SLC39A11: variants seen among roughly 807,000 people sequenced by gnomAD.
SLC39A11 encodes solute carrier family 39 member 11, also known as zinc transporter ZIP11.
Under a neutral mutation model 36.1 loss-of-function variants are expected in SLC39A11, and 33 were observed. The observed-to-expected ratio is 0.91, with a 90% CI of 0.69 to 1.22. The LOEUF (loss-of-function observed/expected upper bound fraction) is 1.22. Ranked by LOEUF, SLC39A11 falls within the 50% of genes most tolerant of loss-of-function variation. SLC39A11 has a pLI of 0.00. For missense variants in SLC39A11, 432 were observed against 430.3 expected (o/e 1.00, Z -0.03); for synonymous variants, 166 against 170.3 (o/e 0.97, Z 0.20).
At chr17:72,919,675 AAAAAAAAAAAG>A (rs1410196065) in intron 5 of SLC39A11, among the ~76,000 whole-genome samples, 2 of 142,708 alleles carry the variant, frequency 1.4e-5, no homozygotes, top group Admixed American at 7.1e-5. Flanking sequence ...CCGTCAAAAA[AAAAAAAAAAAG>A]AAAAAAAGAA....
At chr17:72,704,169 T>C (rs2143126917) in intron 7 of SLC39A11, among the ~76,000 whole-genome samples, 1 of 152,338 alleles carries the variant, frequency 6.6e-6, no homozygotes, top group East Asian at 1.9e-4. Context: ...ATACCTGCTA[T>C]TTGCCCAAAC....
intron 3 of SLC39A11, among the ~76,000 whole-genome samples, chr17:73,049,579 G>A (rs578108646): frequency 2.0e-4 from 30 of 152,306 alleles, no homozygotes; most frequent in Admixed American, 1.9e-3. Flanking sequence ...AAGGAACCAA[G>A]GAAAACTTCG....
chr17:72,965,442 T>C (rs1220011866), intron 4 of SLC39A11, among the ~76,000 whole-genome samples: 4 of 152,214 alleles, frequency 2.6e-5, no homozygotes, highest in Non-Finnish European at 5.9e-5. Context: ...TGAATACCTA[T>C]ACAACCGTTC....
rs577203272 is a variant in SLC39A11, at chr17:72,897,068, A to C, written c.431-47264T>G. Among the ~76,000 whole-genome samples the C allele has an allele frequency of 1.7e-4, 25 of 150,318 alleles. No homozygotes were observed. In the East Asian group the frequency reaches 1.7e-3, roughly 11 times the overall value. On this transcript the variant is annotated intron_variant, in intron 5 of 9. Coordinates refer to ENST00000255559, the MANE Select transcript of SLC39A11 (RefSeq NM_139177.4). ...ACTCTGTCTCAAAAAAAAAAAAAAAAAAACAAACAGAAAAACAGAAAAGTC... is the reference window on the plus strand; with the variant it reads ...ACTCTGTCTCAAAAAAAAAAAAAAACAAACAAACAGAAAAACAGAAAAGTC...
At chr17:73,082,922 A>G (rs1264057247) in intron 3 of SLC39A11, among the ~76,000 whole-genome samples, 1 of 145,828 alleles carries the variant, frequency 6.9e-6, no homozygotes, top group African/African-American at 2.5e-5. Flanking sequence ...AGCCTGCAGC[A>G]GGGGAATTGT....
intron 7 of SLC39A11, among the ~76,000 whole-genome samples, chr17:72,702,860 C>G (rs1477365328): frequency 1.4e-5 from 2 of 138,952 alleles, no homozygotes; most frequent in East Asian, 4.5e-4. Flanking sequence ...TCGCTTGAAC[C>G]CTGGAGGTGG....
chr17:72,672,805 C>T (rs932947579), intron 7 of SLC39A11, among the ~76,000 whole-genome samples: 3 of 152,068 alleles, frequency 2.0e-5, no homozygotes, highest in African/African-American at 4.8e-5. Flanking sequence ...CTCACTATGC[C>T]GCTCAGGCTG....
At chr17:73,044,892 A>G (rs559593203) in intron 3 of SLC39A11, among the ~76,000 whole-genome samples, 149 of 151,938 alleles carry the variant, frequency 9.8e-4, no homozygotes, top group Middle Eastern at 6.8e-3. Context: ...AAAAAAAAAA[A>G]AAAAGAAAAG....
At chr17:72,653,253 T>G (rs1232290553) in intron 7 of SLC39A11, among the ~76,000 whole-genome samples, 1 of 149,956 alleles carries the variant, frequency 6.7e-6, no homozygotes, top group African/African-American at 2.5e-5. Context: ...TACAGGCATG[T>G]GCCACCACAC....
At chr17:72,665,389 G>GTTTTTTTTTTTTCTTTT (rs2070690374) in intron 7 of SLC39A11, among the ~76,000 whole-genome samples, 1 of 76,636 alleles carries the variant, frequency 1.3e-5, no homozygotes, top group Non-Finnish European at 2.4e-5. Context: ...GTTTTGAGGT[G>GTTTTTTTTTTTTCTTTT]TTTTTTTTTT....
At chr17:72,703,868 C>G (rs1403634264) in intron 7 of SLC39A11, among the ~76,000 whole-genome samples, 1 of 152,254 alleles carries the variant, frequency 6.6e-6, no homozygotes, top group Non-Finnish European at 1.5e-5. Context: ...TGGCTCATGC[C>G]TGTAATCCCA....
chr17:72,855,053 G>T (rs2079566474), intron 5 of SLC39A11, among the ~76,000 whole-genome samples: 1 of 152,242 alleles, frequency 6.6e-6, no homozygotes, highest in Admixed American at 6.5e-5. Flanking sequence ...TCCCTGCAGA[G>T]TGGAAGTCTC....
intron 7 of SLC39A11, among the ~76,000 whole-genome samples, chr17:72,657,339 AAC>A (rs559468860): frequency 1.7e-3 from 265 of 152,336 alleles, no homozygotes; most frequent in African/African-American, 6.0e-3. Flanking sequence ...CAGGCTGGGC[AAC>A]AGAGTGAGAT....
chr17:73,088,755 C>A lies in SLC39A11; in HGVS notation c.10G>T (p.Gly4Cys), dbSNP rs1284147584. The A allele has an allele frequency of 1.2e-6, 2 of 1,604,678 alleles. No homozygotes were observed. The highest frequency in any genetic ancestry group is 2.2e-5 in the South Asian group (2 of 89,210). ...AAGGCCTGGAACACAGAGCTGTGGC[C>A]TTGGAGCATGCTGGATACAGCTGTG... MLQ[G>C]HSSVFQALLG... Residue 4 changes from glycine (G) to cysteine (C), a missense_variant, in exon 2 of 10, where the codon GGC becomes TGC. Gly to Cys is a radical substitution (Grantham distance 159). Transcript: ENST00000255559.
chr17:72,774,537 G>A (rs1473150215), intron 6 of SLC39A11, among the ~76,000 whole-genome samples: 2 of 152,088 alleles, frequency 1.3e-5, no homozygotes, highest in African/African-American at 4.8e-5. Context: ...AATAACCTGA[G>A]CCCAACAGGA....
At chr17:72,916,989 T>C (rs995295552) in intron 5 of SLC39A11, among the ~76,000 whole-genome samples, 4 of 152,048 alleles carry the variant, frequency 2.6e-5, no homozygotes, top group Non-Finnish European at 5.9e-5. Context: ...TTGGAGAGGG[T>C]AACAGAAAGG....
chr17:72,707,377 C>T (rs1051334405), intron 7 of SLC39A11, among the ~76,000 whole-genome samples: 2 of 152,126 alleles, frequency 1.3e-5, no homozygotes, highest in African/African-American at 4.8e-5. Flanking sequence ...GTACTCTACC[C>T]TGGATGACAG....
chr17:73,014,897 T>C (rs1252165252), intron 4 of SLC39A11, among the ~76,000 whole-genome samples: 1 of 152,174 alleles, frequency 6.6e-6, no homozygotes, highest in Non-Finnish European at 1.5e-5. Flanking sequence ...CCCAATGCTG[T>C]TTCTGTAACT....
At chr17:72,968,439 C>T (rs2087184833) in intron 4 of SLC39A11, among the ~76,000 whole-genome samples, 1 of 152,150 alleles carries the variant, frequency 6.6e-6, no homozygotes, top group African/African-American at 2.4e-5. Context: ...ATCTGAAGGG[C>T]TACAGGTCAT....
Sources: gnomAD v4.1 joint callset for allele counts (sites outside exome capture counted in the v4.1 genomes callset) on GRCh38, gnomAD v4.1.1 for gene constraint, MANE v1.5 for transcripts, NCBI Gene and HGNC (gene_info 2026-07-23, HGNC 2026-07-21) for gene names.